FAM133B: variants seen among roughly 807,000 people sequenced by gnomAD.
The protein encoded by FAM133B is protein FAM133B.
A neutral mutation model predicts 46.4 loss-of-function variants in FAM133B; 25 were observed. That is an observed-to-expected ratio of 0.54 (90% confidence interval 0.39 to 0.75). The LOEUF (loss-of-function observed/expected upper bound fraction) is 0.75, where lower values mean the gene tolerates loss of function less well. Ranked by LOEUF, FAM133B falls within the 30% of genes least tolerant of loss-of-function variation. FAM133B has a pLI of 0.00. For missense variants in FAM133B, 205 were observed against 277.6 expected (o/e 0.74, Z 1.86); for synonymous variants, 75 against 86.0 (o/e 0.87, Z 0.71).
intron 8 of FAM133B, among the ~76,000 whole-genome samples, chr7:92,575,297 G>A (rs1238658246): frequency 1.3e-5 from 2 of 152,070 alleles, no homozygotes; most frequent in African/African-American, 2.4e-5. Context: ...CCAACATGGC[G>A]AAACCGTCTC....
intron 1 of FAM133B, among the ~76,000 whole-genome samples, chr7:92,584,100 C>T (rs6956045): frequency 0.026 from 3,775 of 147,260 alleles, 56 homozygotes; most frequent in Middle Eastern, 0.075. Flanking sequence ...TTTGCCCAGG[C>T]TGGAGTACAG....
At chr7:92,574,453 T>A (rs1378941512) in intron 8 of FAM133B, among the ~76,000 whole-genome samples, 1 of 152,190 alleles carries the variant, frequency 6.6e-6, no homozygotes, top group Non-Finnish European at 1.5e-5. Flanking sequence ...AGTGTTTTTA[T>A]GGGCTGATGA....
Position 92,563,792 on chromosome 7 carries a change from T to C in FAM133B, c.658-1424A>G, listed in dbSNP as rs571020834. Reference sequence around the variant, plus strand: ...TTTGCTTAGGTCAAAGAATCTAAGCTATCTCTGATTCTGCTCTTTAACTCC... The same window carrying C: ...TTTGCTTAGGTCAAAGAATCTAAGCCATCTCTGATTCTGCTCTTTAACTCC... On this transcript the variant is annotated intron_variant, in intron 10 of 10. Transcript: ENST00000445716. Among the ~76,000 whole-genome samples the C allele has an allele frequency of 4.6e-5, 7 of 152,312 alleles. No homozygotes were observed. The East Asian group carries it at 1.2e-3, about 25-fold the overall frequency.
intron 8 of FAM133B, among the ~76,000 whole-genome samples, chr7:92,573,315 T>C (rs746261183): frequency 6.6e-6 from 1 of 151,912 alleles, no homozygotes; most frequent in Non-Finnish European, 1.5e-5. Context: ...CTACCACACC[T>C]GGCTAATTTG....
chr7:92,580,253 A>C (rs547317102), intron 2 of FAM133B, among the ~76,000 whole-genome samples: 97 of 151,756 alleles, frequency 6.4e-4, no homozygotes, highest in African/African-American at 1.5e-3. Context: ...AAAAAAAAAA[A>C]AAAAAACACA....
intron 1 of FAM133B, among the ~76,000 whole-genome samples, chr7:92,586,227 T>C (rs1188686289): frequency 1.3e-5 from 2 of 152,226 alleles, no homozygotes; most frequent in East Asian, 3.8e-4. Flanking sequence ...TCAGTCTGCT[T>C]AAGTACACTC....
intron 6 of FAM133B, 148 bp from the exon 7 acceptor site, chr7:92,577,343 C>A (rs1422758196): frequency 4.0e-6 from 2 of 495,472 alleles, no homozygotes; most frequent in Non-Finnish European, 3.5e-6. Flanking sequence ...CATCACTTTC[C>A]TGTTATAAAG....
At chr7:92,585,389 G>A (rs989592437) in intron 1 of FAM133B, 1 of 984,066 alleles carries the variant, frequency 1.0e-6, no homozygotes, top group Non-Finnish European at 1.2e-6. Context: ...TCATAATTTT[G>A]GCAGTACCTA....
chr7:92,566,970 A>G (rs531976645), intron 9 of FAM133B, among the ~76,000 whole-genome samples: 19 of 152,242 alleles, frequency 1.2e-4, no homozygotes, highest in African/African-American at 3.6e-4. Context: ...CAGCGCTTTG[A>G]TAGGCCAAGG....
chr7:92,586,257 T>C (rs966165908), intron 1 of FAM133B, among the ~76,000 whole-genome samples: 1 of 151,990 alleles, frequency 6.6e-6, no homozygotes, highest in East Asian at 1.9e-4. Flanking sequence ...CCATTGTTTA[T>C]TTCAATTATA....
intron 5 of FAM133B, 83 bp downstream of exon 5, chr7:92,578,067 G>T: frequency 2.5e-6 from 3 of 1,197,842 alleles, no homozygotes; most frequent in Non-Finnish European, 3.6e-6. Context: ...GCTACCTTTA[G>T]CATACAGGTT....
At chr7:92,575,863 C>A in intron 7 of FAM133B, 42 bp from the exon 8 acceptor site, 2 of 928,352 alleles carry the variant, frequency 2.2e-6, no homozygotes, top group Non-Finnish European at 3.4e-6. Flanking sequence ...ATGCCAAGGA[C>A]ACAGCATTAC....
In FAM133B at chr7:92,586,740, C is replaced by T. The variant is rs557604072; in HGVS notation, c.24+3528G>A. Among the ~76,000 whole-genome samples, 17 of 152,258 alleles carry T rather than the reference C, an allele frequency of 1.1e-4. No homozygotes were observed. The East Asian group carries it at 1.7e-3, about 16-fold the overall frequency. ...GCAATGCAGTAAAACTGGCTAAAGACACAATGTGCAGAATTTCATTTGTCA... is the reference window on the plus strand; with the variant it reads ...GCAATGCAGTAAAACTGGCTAAAGATACAATGTGCAGAATTTCATTTGTCA... On this transcript the variant is annotated intron_variant, in intron 1 of 10. Transcript: ENST00000445716.
Position 92,577,835 on chromosome 7 carries a change from TAA to T in FAM133B, c.310-120_310-119del, listed in dbSNP as rs1794748108. On this transcript the variant is annotated intron_variant, in intron 5 of 10. Coordinates refer to ENST00000445716, the MANE Select transcript of FAM133B (RefSeq NM_152789.4). Reference sequence around the variant, plus strand: ...GTCTGAGAAACAGATGCCATATTCATAAGTCATAAATATGAAAATATAAAATG... The same window carrying T: ...GTCTGAGAAACAGATGCCATATTCATGTCATAAATATGAAAATATAAAATG... 4.8e-5 allele frequency: 39 copies of T among 807,398 alleles called. No individual in the cohort carries two copies. In the South Asian group the frequency reaches 6.8e-4, roughly 14 times the overall value. 50.0% of individuals were successfully genotyped at this position (807,398 alleles called of 1,614,324 possible). A position where few individuals can be genotyped will look rare whatever the true frequency, so the allele number is the denominator to read the frequency against.
intron 10 of FAM133B, 188 bp downstream of exon 10, chr7:92,565,826 A>AT: frequency 1.7e-6 from 1 of 601,614 alleles, no homozygotes; most frequent in Non-Finnish European, 2.9e-6. Flanking sequence ...CTACCAGGGT[A>AT]TTTTTTATTT....
intron 1 of FAM133B, among the ~76,000 whole-genome samples, chr7:92,586,546 T>C (rs912584031): frequency 6.6e-6 from 1 of 152,240 alleles, no homozygotes; most frequent in African/African-American, 2.4e-5. Flanking sequence ...ACTTAATCAT[T>C]ATAAACACTG....
intron 1 of FAM133B, among the ~76,000 whole-genome samples, chr7:92,588,386 G>A (rs1795094245): frequency 6.6e-6 from 1 of 152,078 alleles, no homozygotes; most frequent in Non-Finnish European, 1.5e-5. Context: ...AAGGCCCAAG[G>A]GTATTAGAAG....
Position 92,590,386 on chromosome 7 carries a change from A to G in FAM133B, c.-95T>C. On this transcript the variant is annotated 5_prime_UTR_variant, in exon 1 of 11. Transcript: ENST00000445716. ...CCGCAGGTCCTCTTGCCGCCTCCCC[A>G]CTCCGCCTAGAGAGCGGCACCACGC... The G allele has an allele frequency of 3.8e-6, 6 of 1,582,616 alleles. No individual in the cohort carries two copies. The highest frequency in any genetic ancestry group is 3.4e-5 in the South Asian group (3 of 88,546).
In FAM133B at chr7:92,569,881, T is replaced by C; in HGVS notation, c.551A>G (p.Tyr184Cys). ...IKGLSKKRKMYSEDKPLSSES... is the reference protein window; with the variant it reads ...IKGLSKKRKMCSEDKPLSSES... ...AGATGATAAAGGTTTATCTTCAGAATACATCTTTCTCTTTTTGCTGAGTCC... is the reference window on the plus strand; with the variant it reads ...AGATGATAAAGGTTTATCTTCAGAACACATCTTTCTCTTTTTGCTGAGTCC... Residue 184 changes from tyrosine (Y) to cysteine (C), a missense_variant, in exon 9 of 11, where the codon TAT (tyrosine) becomes TGT (cysteine). Transcript: ENST00000445716. 1 of 1,428,552 alleles carries C rather than the reference T, an allele frequency of 7.0e-7. No homozygotes were observed. Among genetic ancestry groups the C allele is most frequent in the Non-Finnish European group, 9.2e-7 (1 of 1,089,342 alleles). 88.5% of individuals were successfully genotyped at this position (1,428,552 alleles called of 1,614,324 possible).
Sources: allele counts gnomAD v4.1 joint callset (sites outside exome capture counted in the v4.1 genomes callset), GRCh38; gene constraint gnomAD v4.1.1; transcripts MANE v1.5; gene names NCBI Gene and HGNC (gene_info 2026-07-23, HGNC 2026-07-21).